Variants in IQCH observed in about 807,000 individuals in gnomAD.
IQCH encodes IQ domain-containing protein H.
Under a neutral mutation model 117.0 loss-of-function variants are expected in IQCH, and 98 were observed. That is an observed-to-expected ratio of 0.84 (90% confidence interval 0.71 to 0.99). The LOEUF (loss-of-function observed/expected upper bound fraction) is 0.99, where lower values mean the gene tolerates loss of function less well. IQCH is among the 50% of genes least tolerant of loss of function. IQCH has a pLI of 0.00. For synonymous variants in IQCH, 412 were observed against 448.2 expected (o/e 0.92, Z 1.02); for missense variants, 1,102 against 1,243.8 (o/e 0.89, Z 1.72).
rs1240302338 is a variant in IQCH, at chr15:67,366,315, A to G, written c.754-5796A>G. Among the ~76,000 whole-genome samples the G allele has an allele frequency of 3.3e-5, 5 of 152,224 alleles. No individual in the cohort carries two copies. The highest frequency in any genetic ancestry group is 2.0e-4 in the Admixed American group (3 of 15,290). On this transcript the variant is annotated intron_variant, in intron 8 of 20. Coordinates refer to ENST00000335894, the MANE Select transcript of IQCH (RefSeq NM_001031715.3). This position sits in a 1 kb window ranked among gnomAD's most constrained non-coding sequence, Gnocchi z 4.4. ...TTAGAGGTATAACAGAAAAGATGAA[A>G]TCAATGCAGCAGTAAAATGAAATGT...
rs2081989386 is a variant in IQCH at position 67,430,150 on chromosome 15, G to A, written c.2505+8573G>A. On this transcript the variant is annotated intron_variant, in intron 16 of 20. Transcript: ENST00000335894. This position sits in a 1 kb window ranked among gnomAD's most constrained non-coding sequence, Gnocchi z 5.1. ...CACTCCAGAATACACAGAGCTACAAGGCAGCCATGTTGGAGATCTGGCCTT... is the reference window on the plus strand; with the variant it reads ...CACTCCAGAATACACAGAGCTACAAAGCAGCCATGTTGGAGATCTGGCCTT... 6.6e-6 allele frequency among the ~76,000 whole-genome samples: 1 copy of A among 152,078 alleles called. No individual in the cohort carries two copies. Among genetic ancestry groups the A allele is most frequent in the South Asian group, 2.1e-4 (1 of 4,820 alleles).
rs939941137 is a variant in IQCH at position 67,254,875 on chromosome 15, G to T, written c.-22G>T. 2 of 1,612,048 alleles carry T rather than the reference G, an allele frequency of 1.2e-6. No individual in the cohort carries two copies. The highest frequency in any genetic ancestry group is 1.7e-6 in the Non-Finnish European group (2 of 1,178,904). ...GCTTGGAAACCGCGCCTCCGCGGAG[G>T]TAGCCGTTCCCTGACCTAGCCATGG... On this transcript the variant is annotated 5_prime_UTR_variant, in exon 1 of 21. Coordinates refer to ENST00000335894, the MANE Select transcript of IQCH (RefSeq NM_001031715.3).
Position 67,458,579 on chromosome 15 carries a change from T to G in IQCH, c.2506-6548T>G, listed in dbSNP as rs2141007654. Among the ~76,000 whole-genome samples the G allele has an allele frequency of 6.6e-6, 1 of 152,306 alleles. No individual in the cohort carries two copies. The highest frequency in any genetic ancestry group is 2.1e-4 in the South Asian group (1 of 4,830). ...CCTCCACTCAACACTCTCCAGTGCA[T>G]TCCCAGCCTCCACAGCTGTAAAAAG... On this transcript the variant is annotated intron_variant, in intron 16 of 20. Coordinates refer to ENST00000335894, the MANE Select transcript of IQCH (RefSeq NM_001031715.3). This position sits in a 1 kb window ranked among gnomAD's most constrained non-coding sequence, Gnocchi z 4.1.
chr15:67,373,345 C>A lies in IQCH; in HGVS notation c.1306-22C>A, dbSNP rs200216917. ...TCCACTACAGCTTCCTGTCACTGAT[C>A]AATGCTCTTCTTGATTTTTAGCATC... On this transcript the variant is annotated intron_variant, in intron 9 of 20. Transcript: ENST00000335894. 16 of 1,579,984 alleles carry A rather than the reference C, an allele frequency of 1.0e-5. No homozygotes were observed. The African/African-American group carries it at 2.0e-4, about 20-fold the overall frequency.
At position 67,384,967 on chromosome 15, in the gene IQCH, C is replaced by T. The variant is rs779331992; in HGVS notation, c.1404C>T (p.Ala468=). Residue 468 remains alanine (A), a synonymous_variant, in exon 11 of 21, where the codon GCC becomes GCT. Coordinates refer to ENST00000335894, the MANE Select transcript of IQCH (RefSeq NM_001031715.3). This position sits in a 1 kb window ranked among gnomAD's most constrained non-coding sequence, Gnocchi z 4.3. ...CCCAGCCTGTGAGAGAACATATTGC[C>T]GATTTCAACACACAGCAGAACATGC... The part of the protein sequence containing the change: ...GYSQPVREHI[A]DFNTQQNMQL... 6.2e-6 allele frequency: 10 copies of T among 1,611,890 alleles called. No individual in the cohort carries two copies. The highest frequency in any genetic ancestry group is 1.1e-5 in the South Asian group (1 of 90,974).
chr15:67,371,519 C>A, intron 8 of IQCH: 1 of 1,577,254 alleles, frequency 6.3e-7, no homozygotes, highest in South Asian at 1.2e-5. Context: ...CAAGAGAAAC[C>A]TAAGAATGAC....
intron 17 of IQCH, among the ~76,000 whole-genome samples, chr15:67,469,321 G>A (rs1458564253): frequency 6.6e-6 from 1 of 152,078 alleles, no homozygotes; most frequent in Non-Finnish European, 1.5e-5. Context: ...GGGTCACTTG[G>A]GGGATTTGAT....
chr15:67,258,666 A>G lies in IQCH; in HGVS notation c.52-2606A>G, dbSNP rs1026124722. On this transcript the variant is annotated intron_variant, in intron 1 of 20. Transcript: ENST00000335894. ...AGAGTCTGGTTTCATGGCTCTTGTA[A>G]AGTCTAGAGCAAATCTTTGCTGCAT... Among the ~76,000 whole-genome samples, 7 of 152,160 alleles carry G rather than the reference A, an allele frequency of 4.6e-5. No homozygotes were observed. The East Asian group carries it at 1.3e-3, about 29-fold the overall frequency.
chr15:67,334,624 A>C (rs578134063), intron 4 of IQCH, among the ~76,000 whole-genome samples: 2 of 152,334 alleles, frequency 1.3e-5, no homozygotes, highest in East Asian at 3.9e-4. Context: ...ACTGAGGCCC[A>C]GGCCCCAGCC....
chr15:67,367,792 G>A (rs2140773652), intron 8 of IQCH, among the ~76,000 whole-genome samples: 1 of 152,230 alleles, frequency 6.6e-6, no homozygotes, highest in East Asian at 1.9e-4. Context: ...AAAGGAAATG[G>A]AAGAGTAGCA....
rs1171719338 is a variant in IQCH at position 67,476,582 on chromosome 15, T to G, written c.2799+764T>G. 6.6e-6 allele frequency among the ~76,000 whole-genome samples: 1 copy of G among 152,200 alleles called. No individual in the cohort carries two copies. Among genetic ancestry groups the G allele is most frequent in the Admixed American group, 6.5e-5 (1 of 15,284 alleles). ...TTCTGATAAAAACCATTTTCTCTAC[T>G]TTTGGTCTATTTCCAATGATACCGG... On this transcript the variant is annotated intron_variant, in intron 18 of 20. Transcript: ENST00000335894. The surrounding 1 kb of genome is among the most constrained non-coding windows in gnomAD (Gnocchi z 4.1).
rs541859552 is a variant in IQCH at position 67,342,830 on chromosome 15, G to A, written c.509-1233G>A. On this transcript the variant is annotated intron_variant, in intron 5 of 20. Transcript: ENST00000335894. The surrounding 1 kb of genome is among the most constrained non-coding windows in gnomAD (Gnocchi z 4.7). ...ATGTTACTGGGCCCCAATTCTAGTG[G>A]TTCTCTAACTTCAGCGCACATGAAT... Among the ~76,000 whole-genome samples the A allele has an allele frequency of 4.2e-4, 64 of 152,216 alleles. No individual in the cohort carries two copies. Among genetic ancestry groups the A allele is most frequent in the African/African-American group, 1.5e-3 (62 of 41,508 alleles).
intron 4 of IQCH, among the ~76,000 whole-genome samples, chr15:67,309,223 C>G (rs1259735031): frequency 6.6e-6 from 1 of 152,082 alleles, no homozygotes; most frequent in Non-Finnish European, 1.5e-5. Flanking sequence ...TTAGTTATTA[C>G]TATTGGCAAG....
At chr15:67,328,543 G>A (rs1773350733) in intron 4 of IQCH, among the ~76,000 whole-genome samples, 1 of 152,150 alleles carries the variant, frequency 6.6e-6, no homozygotes. Context: ...TCCTACAGGA[G>A]ATTACGTTTT....
rs1019312696 is a variant in IQCH at position 67,472,642 on chromosome 15, C to T, written c.2677-3054C>T. 6.6e-5 allele frequency among the ~76,000 whole-genome samples: 10 copies of T among 152,172 alleles called. No individual in the cohort carries two copies. Among genetic ancestry groups the T allele is most frequent in the Admixed American group, 6.5e-4 (10 of 15,282 alleles). On this transcript the variant is annotated intron_variant, in intron 17 of 20. Coordinates refer to ENST00000335894, the MANE Select transcript of IQCH (RefSeq NM_001031715.3). This position sits in a 1 kb window ranked among gnomAD's most constrained non-coding sequence, Gnocchi z 4.3. ...ATTTAATCATCAGAAGACAGAATTT[C>T]AATGATCTGTTCAAGATCACATACA...
rs2082650486 is a variant in IQCH at position 67,456,072 on chromosome 15, G to T, written c.2506-9055G>T. 6.6e-6 allele frequency among the ~76,000 whole-genome samples: 1 copy of T among 151,794 alleles called. No homozygotes were observed. The highest frequency in any genetic ancestry group is 6.6e-5 in the Admixed American group (1 of 15,250). ...TGGTCTTGAAAGTAATAGAGGGAGG[G>T]TCATAAATGCATGGAGGCTGCAGAA... On this transcript the variant is annotated intron_variant, in intron 16 of 20. Coordinates refer to ENST00000335894, the MANE Select transcript of IQCH (RefSeq NM_001031715.3). This position sits in a 1 kb window ranked among gnomAD's most constrained non-coding sequence, Gnocchi z 5.1.
intron 4 of IQCH, chr15:67,307,091 C>T: frequency 1.6e-6 from 2 of 1,240,384 alleles, no homozygotes; most frequent in Non-Finnish European, 2.0e-6. Flanking sequence ...GCACAAATAA[C>T]TGATTATAAC....
At position 67,405,322 on chromosome 15, in the gene IQCH, C is replaced by T. The variant is rs928835163; in HGVS notation, c.2097+5017C>T. The T allele has an allele frequency of 1.3e-5, 2 of 152,166 alleles. No homozygotes were observed. Among genetic ancestry groups the T allele is most frequent in the African/African-American group, 4.8e-5 (2 of 41,414 alleles). 9.4% of individuals were successfully genotyped at this position (152,166 alleles called of 1,614,324 possible). A position where few individuals can be genotyped will look rare whatever the true frequency, so the allele number is the denominator to read the frequency against. ...TATGTATTTAGTGGTTGCCAGAACACTGAGATTAAGCATTTTGTAGATCTA... is the reference window on the plus strand; with the variant it reads ...TATGTATTTAGTGGTTGCCAGAACATTGAGATTAAGCATTTTGTAGATCTA... On this transcript the variant is annotated intron_variant, in intron 14 of 20. Coordinates refer to ENST00000335894, the MANE Select transcript of IQCH (RefSeq NM_001031715.3). This position sits in a 1 kb window ranked among gnomAD's most constrained non-coding sequence, Gnocchi z 4.8.
rs1050987974 is a variant in IQCH at position 67,436,710 on chromosome 15, G to C, written c.2505+15133G>C. Among the ~76,000 whole-genome samples, 5 of 152,166 alleles carry C rather than the reference G, an allele frequency of 3.3e-5. No individual in the cohort carries two copies. The highest frequency in any genetic ancestry group is 9.7e-5 in the African/African-American group (4 of 41,450). On this transcript the variant is annotated intron_variant, in intron 16 of 20. Transcript: ENST00000335894. This position sits in a 1 kb window ranked among gnomAD's most constrained non-coding sequence, Gnocchi z 5.1. ...GAAAGAGACTCGGGGCTGTTGTGGA[G>C]AGGCATGGTGGGAGTGAGACCGGCC...
Sources: gnomAD v4.1 joint callset for allele counts (sites outside exome capture counted in the v4.1 genomes callset) on GRCh38, gnomAD v4.1.1 for gene constraint, Gnocchi (gnomAD v3.1) non-coding constraint, MANE v1.5 for transcripts, NCBI Gene and HGNC (gene_info 2026-07-23, HGNC 2026-07-21) for gene names.